The following HIVEP1 variants were observed in gnomAD, a reference collection of about 807,000 sequenced individuals.
HIVEP1 encodes HIVEP zinc finger 1.
HIVEP1 carries 36 observed loss-of-function variants against 180.0 expected under a neutral mutation model. The ratio of observed to expected loss-of-function variants is 0.20; its 90% CI spans 0.15 to 0.26. HIVEP1 has a LOEUF of 0.26. Ranked by LOEUF, HIVEP1 falls within the 10% of genes least tolerant of loss-of-function variation. The probability of loss-of-function intolerance (pLI) is 1.00; values close to 1 mark genes in which losing one functional copy is unlikely to be tolerated. For missense variants in HIVEP1, 3,143 were observed against 3,268.7 expected, an observed-to-expected ratio of 0.96 and a Z score of 0.94; for synonymous variants, 1,239 against 1,239.0, an observed-to-expected ratio of 1.00 and a Z score of 0.00.
Position 12,163,897 on chromosome 6 carries a change from A to G in HIVEP1, c.7593A>G (p.Ser2531=), listed in dbSNP as rs760695861. ...AGGTTCTGACTGCAAACCCTTCATC[A>G]CAAAGCAGCCCCGCCCCTCAGGCAC... ...GLQVLTANPS[S]QSSPAPQAHI... is the part of the protein sequence containing the mutation. Residue 2531 remains serine (S), a synonymous_variant, in exon 9 of 9, where the codon TCA becomes TCG. Transcript: ENST00000379388. 6.2e-7 allele frequency: 1 copy of G among 1,614,048 alleles called. No homozygotes were observed. The highest frequency in any genetic ancestry group is 1.1e-5 in the South Asian group (1 of 91,084).
At chr6:12,102,576 ATAACAGG>A (rs1284996096) in intron 3 of HIVEP1, among the ~76,000 whole-genome samples, 2 of 152,220 alleles carry the variant, frequency 1.3e-5, no homozygotes, top group Non-Finnish European at 2.9e-5. Flanking sequence ...TGTCATACTG[ATAACAGG>A]TAATTCTGCA....
At chr6:12,126,866 C>CT (rs568681742) in intron 4 of HIVEP1, among the ~76,000 whole-genome samples, 1,588 of 151,102 alleles carry the variant, frequency 0.011, 26 homozygotes, top group African/African-American at 0.036. Context: ...GAAGAAGCAG[C>CT]TTTTTTTTTC....
At chr6:12,187,595 T>C in the HIVEP1 span, among the ~76,000 whole-genome samples, 5 of 16,002 alleles carry the variant, frequency 3.1e-4, no homozygotes, top group African/African-American at 2.0e-3. Flanking sequence ...AAATAAATCT[T>C]TTTTTTTTTT....
At chr6:12,014,414 T>C (rs532396107) in intron 1 of HIVEP1, among the ~76,000 whole-genome samples, 113 of 152,168 alleles carry the variant, frequency 7.4e-4, no homozygotes, top group Non-Finnish European at 1.5e-3. Flanking sequence ...GATAGCTACC[T>C]TCTTAGTTAA....
rs769378934 is a variant in HIVEP1 at position 12,122,583 on chromosome 6, G to T, written c.2788G>T (p.Gly930Cys). 1.9e-6 allele frequency: 3 copies of T among 1,614,046 alleles called. No individual in the cohort carries two copies. The African/African-American group carries it at 4.0e-5, about 22-fold the overall frequency. Reference protein sequence around the residue: ...DESHQGCHAAGEAMSVRSKAL... With the variant: ...DESHQGCHAACEAMSVRSKAL... ...GAGCCACCAAGGATGCCATGCTGCTGGTGAAGCCATGTCAGTGAGGAGCAA... is the reference window on the plus strand; with the variant it reads ...GAGCCACCAAGGATGCCATGCTGCTTGTGAAGCCATGTCAGTGAGGAGCAA... Residue 930 changes from glycine to cysteine, a missense_variant, in exon 4 of 9, where the codon GGT becomes TGT. Coordinates refer to ENST00000379388, the MANE Select transcript of HIVEP1 (RefSeq NM_002114.4).
At chr6:12,070,269 A>G (rs1310329285) in intron 2 of HIVEP1, among the ~76,000 whole-genome samples, 3 of 152,258 alleles carry the variant, frequency 2.0e-5, no homozygotes, top group Non-Finnish European at 4.4e-5. Flanking sequence ...TGTATTGTAC[A>G]TAATTGCATG....
chr6:12,127,330 C>T (rs1758145443), intron 4 of HIVEP1, among the ~76,000 whole-genome samples: 1 of 152,166 alleles, frequency 6.6e-6, no homozygotes, highest in South Asian at 2.1e-4. Flanking sequence ...GATACTTTCT[C>T]AGTGAAGGAA....
chr6:12,211,399 CAAAA>C, the HIVEP1 span, among the ~76,000 whole-genome samples: 5 of 71,976 alleles, frequency 6.9e-5, no homozygotes, highest in Non-Finnish European at 9.7e-5. Flanking sequence ...GACTCTGTCT[CAAAA>C]AAAAAAAAAA....
At chr6:12,167,581 C>CATGTTATATTACATGCATATATACAT (rs55679474), downstream of HIVEP1, among the ~76,000 whole-genome samples, 1 of 64,916 alleles carries the variant, frequency 1.5e-5, no homozygotes, top group African/African-American at 1.0e-4. Flanking sequence ...GTTATATATA[C>CATGTTATATTACATGCATATATACAT]GTTATATTAC....
the HIVEP1 span, among the ~76,000 whole-genome samples, chr6:12,181,252 C>A: frequency 2.0e-5 from 3 of 151,540 alleles, no homozygotes; most frequent in Non-Finnish European, 4.4e-5. Flanking sequence ...CCCAGCTACT[C>A]GGGAGGCTGA....
intron 2 of HIVEP1, among the ~76,000 whole-genome samples, chr6:12,088,963 C>T (rs942987007): frequency 6.6e-6 from 1 of 151,986 alleles, no homozygotes; most frequent in African/African-American, 2.4e-5. Context: ...ATTATGGAAA[C>T]ATTTATTAAT....
intron 2 of HIVEP1, among the ~76,000 whole-genome samples, chr6:12,039,595 T>C: frequency 6.6e-6 from 1 of 152,124 alleles, no homozygotes; most frequent in East Asian, 1.9e-4. Context: ...GGTCATAGCG[T>C]TGGTTTGTGT....
In HIVEP1 at chr6:12,063,027, G is replaced by A. The variant is rs1337701952; in HGVS notation, c.41-26157G>A. ...TTGTGCTAAATGTGAAGACTCCCCT[G>A]TTAGTAGTAGTTATTGCTAACACGT... On this transcript the variant is annotated intron_variant, in intron 2 of 8. Transcript: ENST00000379388. This position sits in a 1 kb window ranked among gnomAD's most constrained non-coding sequence, Gnocchi z 4.2. Among the ~76,000 whole-genome samples, 1 of 152,022 alleles carries A rather than the reference G, an allele frequency of 6.6e-6. No individual in the cohort carries two copies. The highest frequency in any genetic ancestry group is 1.9e-4 in the East Asian group (1 of 5,182).
the HIVEP1 span, among the ~76,000 whole-genome samples, chr6:12,211,486 TACACAC>T: frequency 1.1e-5 from 1 of 95,190 alleles, no homozygotes. Context: ...TATATATATA[TACACAC>T]ACACACACCC....
upstream of HIVEP1, chr6:12,008,899 T>C (rs962962054): frequency 1.3e-5 from 2 of 152,342 alleles, no homozygotes; most frequent in African/African-American, 2.4e-5. Context: ...TCGGTTCTTT[T>C]GTCTGGCGCC....
chr6:12,011,820 G>A (rs1374602408), upstream of HIVEP1, among the ~76,000 whole-genome samples: 74 of 146,866 alleles, frequency 5.0e-4, no homozygotes, highest in Admixed American at 8.0e-4. Flanking sequence ...GCGCCTGGGC[G>A]TCCCGCGCCC....
chr6:12,158,579 T>C (rs1251982710), intron 7 of HIVEP1, among the ~76,000 whole-genome samples: 1 of 152,158 alleles, frequency 6.6e-6, no homozygotes, highest in Non-Finnish European at 1.5e-5. Flanking sequence ...CTGTCTCTGT[T>C]CCGATTGAGT....
intron 7 of HIVEP1, among the ~76,000 whole-genome samples, chr6:12,159,100 G>A (rs947365526): frequency 3.9e-5 from 6 of 152,242 alleles, no homozygotes; most frequent in African/African-American, 9.6e-5. Context: ...ACACAAGCTT[G>A]TGTCTCCTTA....
At chr6:12,041,215 A>G (rs1352557222) in intron 2 of HIVEP1, among the ~76,000 whole-genome samples, 1 of 151,968 alleles carries the variant, frequency 6.6e-6, no homozygotes, top group Non-Finnish European at 1.5e-5. Context: ...AGGTCAGGAG[A>G]TCGAGACCAT....
Sources: gnomAD v4.1 joint callset for allele counts (sites outside exome capture counted in the v4.1 genomes callset) on GRCh38, gnomAD v4.1.1 for gene constraint, Gnocchi (gnomAD v3.1) non-coding constraint, MANE v1.5 for transcripts, NCBI Gene and HGNC (gene_info 2026-07-23, HGNC 2026-07-21) for gene names.